PSMD1: variants seen among roughly 807,000 people sequenced by gnomAD.
PSMD1 encodes 26S proteasome non-ATPase regulatory subunit 1.
Under a neutral mutation model 119.0 loss-of-function variants are expected in PSMD1, and 18 were observed. That is an observed-to-expected ratio of 0.15 (90% CI 0.10 to 0.22). PSMD1 has a LOEUF of 0.22. PSMD1 is among the 10% of genes least tolerant of loss of function. The pLI is 1.00. For missense variants in PSMD1, 702 were observed against 1,158.5 expected (o/e 0.61, Z 5.72); for synonymous variants, 374 against 396.6 (o/e 0.94, Z 0.68).
intron 11 of PSMD1, 61 bp downstream of exon 11, chr2:231,079,675 GA>G: frequency 9.2e-7 from 1 of 1,091,864 alleles, no homozygotes; most frequent in Non-Finnish European, 1.3e-6. Flanking sequence ...CTGGGGTTAA[GA>G]AAAAATAACA....
chr2:231,067,315 A>C (rs1316027598), intron 5 of PSMD1, among the ~76,000 whole-genome samples: 1 of 152,326 alleles, frequency 6.6e-6, no homozygotes, highest in East Asian at 1.9e-4. Context: ...TTATCTTACC[A>C]CATAATCCTT....
chr2:231,072,296 A>G lies in PSMD1; in HGVS notation c.762A>G (p.Glu254=). Residue 254 remains glutamate (E), a synonymous_variant, in exon 7 of 25, where the codon GAA becomes GAG. Coordinates refer to ENST00000308696, the MANE Select transcript of PSMD1 (RefSeq NM_002807.4). Reference sequence around the variant, plus strand: ...ATCAGATTTGTTTTGATTTGTATGAAAGTGCTAGCCAGCAGTTTTTGTCAT... The same window carrying G: ...ATCAGATTTGTTTTGATTTGTATGAGAGTGCTAGCCAGCAGTTTTTGTCAT... The part of the protein sequence containing the change: ...MAYQICFDLY[E]SASQQFLSSV... 1 of 1,613,952 alleles carries G rather than the reference A, an allele frequency of 6.2e-7. No homozygotes were observed. The highest frequency in any genetic ancestry group is 8.5e-7 in the Non-Finnish European group (1 of 1,179,908).
At chr2:231,142,628 CTTTT>C (rs920692128) in intron 17 of PSMD1, among the ~76,000 whole-genome samples, 3 of 151,498 alleles carry the variant, frequency 2.0e-5, no homozygotes, top group African/African-American at 7.3e-5. Flanking sequence ...TAGTTTGGGA[CTTTT>C]TTTTAATTAT....
At chr2:231,097,152 A>G (rs1187692927) in intron 16 of PSMD1, among the ~76,000 whole-genome samples, 1 of 152,286 alleles carries the variant, frequency 6.6e-6, no homozygotes, top group East Asian at 1.9e-4. Flanking sequence ...TCTGGATAAG[A>G]TGGAGGATAG....
intron 6 of PSMD1, among the ~76,000 whole-genome samples, chr2:231,071,113 C>G (rs1202186731): frequency 1.3e-5 from 2 of 151,928 alleles, no homozygotes; most frequent in Non-Finnish European, 2.9e-5. Flanking sequence ...TCAGTTTTCT[C>G]TACATAGGTT....
At chr2:231,114,220 C>A (rs912503108) in intron 16 of PSMD1, among the ~76,000 whole-genome samples, 1 of 152,068 alleles carries the variant, frequency 6.6e-6, no homozygotes, top group Admixed American at 6.5e-5. Context: ...TTTGTCGATT[C>A]CATTTGTGAT....
intron 17 of PSMD1, among the ~76,000 whole-genome samples, chr2:231,143,233 G>A (rs143253256): frequency 1.1e-5 from 1 of 93,408 alleles, no homozygotes; most frequent in East Asian, 2.6e-4. Flanking sequence ...GGTTTGGTTT[G>A]GTTTGGTTTG....
At chr2:231,096,523 C>G (rs1348830256) in intron 16 of PSMD1, among the ~76,000 whole-genome samples, 1 of 152,224 alleles carries the variant, frequency 6.6e-6, no homozygotes, top group Non-Finnish European at 1.5e-5. Context: ...GTTTCCAGAG[C>G]TCTATGTCTA....
intron 16 of PSMD1, among the ~76,000 whole-genome samples, chr2:231,130,202 C>T (rs887421102): frequency 6.6e-6 from 1 of 152,166 alleles, no homozygotes; most frequent in Non-Finnish European, 1.5e-5. Context: ...CTCAGATTCC[C>T]ACAACATGTA....
At chr2:231,151,803 A>ATTTTTTT (rs57347945) in intron 18 of PSMD1, among the ~76,000 whole-genome samples, 1 of 95,638 alleles carries the variant, frequency 1.0e-5, no homozygotes, top group African/African-American at 5.1e-5. Context: ...AAACATGAGA[A>ATTTTTTT]TTTTTTTTTT....
intron 16 of PSMD1, chr2:231,108,207 A>G (rs1018921718): frequency 1.4e-5 from 4 of 283,446 alleles, no homozygotes; most frequent in Admixed American, 5.0e-5. Context: ...TTAGAAACCA[A>G]ATAAATTTTA....
chr2:231,123,984 C>A, intron 16 of PSMD1: 1 of 522,306 alleles, frequency 1.9e-6, no homozygotes, highest in Non-Finnish European at 3.4e-6. Context: ...TTATTATTTT[C>A]TAGAGGCTTA....
Position 231,080,323 on chromosome 2 carries a change from T to C in PSMD1, c.1413+9T>C. On this transcript the variant is annotated intron_variant, in intron 12 of 24. Transcript: ENST00000308696. ...AGAACGCCAGCAATGATGTAAGTATTAAAATGGAAAACTAAATTTCCAAAA... is the reference window on the plus strand; with the variant it reads ...AGAACGCCAGCAATGATGTAAGTATCAAAATGGAAAACTAAATTTCCAAAA... 1.3e-6 allele frequency: 2 copies of C among 1,551,554 alleles called. No homozygotes were observed. Among genetic ancestry groups the C allele is most frequent in the Non-Finnish European group, 1.7e-6 (2 of 1,143,224 alleles).
intron 16 of PSMD1, among the ~76,000 whole-genome samples, chr2:231,109,666 A>G (rs1297638338): frequency 6.6e-6 from 1 of 152,258 alleles, no homozygotes; most frequent in Non-Finnish European, 1.5e-5. Context: ...GCTATAGTAT[A>G]TCCATGATAC....
At chr2:231,083,432 G>T in intron 13 of PSMD1, 135 bp from the exon 14 acceptor site, 1 of 823,612 alleles carries the variant, frequency 1.2e-6, no homozygotes, top group Admixed American at 2.5e-5. Flanking sequence ...TTTTTACCAG[G>T]TGGTTTAAAA....
At chr2:231,143,002 T>C (rs1034982498) in intron 17 of PSMD1, among the ~76,000 whole-genome samples, 2 of 152,142 alleles carry the variant, frequency 1.3e-5, no homozygotes, top group Admixed American at 6.5e-5. Flanking sequence ...TGAAGGATAC[T>C]TGAGAAACAT....
intron 6 of PSMD1, 22 bp from the exon 7 acceptor site, chr2:231,072,167 T>C (rs1694058192): frequency 1.9e-6 from 3 of 1,560,360 alleles, no homozygotes; most frequent in African/African-American, 1.4e-5. Context: ...TATTGAATAA[T>C]TGTTCTTTAT....
chr2:231,166,550 A>G (rs1696791079), intron 23 of PSMD1, among the ~76,000 whole-genome samples: 1 of 151,374 alleles, frequency 6.6e-6, no homozygotes, highest in Admixed American at 6.6e-5. Flanking sequence ...TCATAAATGC[A>G]TTGCATTTTA....
intron 15 of PSMD1, among the ~76,000 whole-genome samples, chr2:231,085,661 G>A (rs190279578): frequency 0.03 from 732 of 24,546 alleles, 6 homozygotes; most frequent in African/African-American, 0.093. Flanking sequence ...CCCACACCCC[G>A]GGACCCCTAA....
Sources: gnomAD v4.1 joint callset for allele counts (sites outside exome capture counted in the v4.1 genomes callset) on GRCh38, gnomAD v4.1.1 for gene constraint, MANE v1.5 for transcripts, NCBI Gene and HGNC (gene_info 2026-07-23, HGNC 2026-07-21) for gene names.